The following ACTR5 variants were observed in gnomAD, a reference collection of about 807,000 sequenced individuals.
The protein encoded by ACTR5 is actin related protein 5.
A neutral mutation model predicts 61.2 loss-of-function variants in ACTR5; 43 were observed. That is an observed-to-expected ratio of 0.70 (90% CI 0.55 to 0.91). The LOEUF (loss-of-function observed/expected upper bound fraction) is 0.91. ACTR5 is among the 40% of genes least tolerant of loss of function. The pLI, the probability that ACTR5 is intolerant of heterozygous loss-of-function variation, is 0.00. For missense variants in ACTR5, 798 were observed against 782.2 expected, an observed-to-expected ratio of 1.02 and a Z score of -0.24; for synonymous variants, 333 against 310.5, an observed-to-expected ratio of 1.07 and a Z score of -0.76.
At chr20:38,762,848 T>C (rs1367904976) in intron 5 of ACTR5, among the ~76,000 whole-genome samples, 1 of 152,226 alleles carries the variant, frequency 6.6e-6, no homozygotes, top group Non-Finnish European at 1.5e-5. Flanking sequence ...TGCTTTCACC[T>C]GTTACTTGGG....
chr20:38,754,546 A>G (rs746136623), intron 3 of ACTR5, among the ~76,000 whole-genome samples: 2 of 151,778 alleles, frequency 1.3e-5, no homozygotes, highest in Admixed American at 1.3e-4. Context: ...GGGAAACCCC[A>G]TCTCTACTAA....
Position 38,766,249 on chromosome 20 carries a change from C to T in ACTR5, c.1305C>T (p.Asn435=). ...TTGGGTTTTTAAAGCCCGTGTTTAACTTGGCAGCATATCATCAGCTATTTG... is the reference window on the plus strand; with the variant it reads ...TTGGGTTTTTAAAGCCCGTGTTTAATTTGGCAGCATATCATCAGCTATTTG... The part of the protein sequence containing the change: ...KPVTTVQPVF[N]LAAYHQLFVG... Residue 435 remains asparagine, a synonymous_variant, in exon 7 of 9, where the codon AAC becomes AAT. Transcript: ENST00000243903. 1.2e-6 allele frequency: 2 copies of T among 1,609,150 alleles called. No individual in the cohort carries two copies. Among genetic ancestry groups the T allele is most frequent in the Non-Finnish European group, 1.7e-6 (2 of 1,178,856 alleles).
intron 7 of ACTR5, 112 bp downstream of exon 7, chr20:38,766,489 TTTTCA>T: frequency 7.5e-7 from 1 of 1,326,498 alleles, no homozygotes; most frequent in Non-Finnish European, 1.0e-6. Context: ...CACTCTCTTC[TTTTCA>T]TTGACTTGCT....
At chr20:38,758,188 A>G (rs2084431430) in intron 5 of ACTR5, among the ~76,000 whole-genome samples, 2 of 152,102 alleles carry the variant, frequency 1.3e-5, no homozygotes, top group African/African-American at 4.8e-5. Flanking sequence ...ATTTGTCTGC[A>G]TTTGTTACAT....
At chr20:38,770,166 C>A (rs1463219867) in intron 8 of ACTR5, among the ~76,000 whole-genome samples, 1 of 151,740 alleles carries the variant, frequency 6.6e-6, no homozygotes, top group Non-Finnish European at 1.5e-5. Flanking sequence ...GAGTGTGTCA[C>A]ACTGTCACTA....
chr20:38,750,886 C>T (rs2145663178), intron 2 of ACTR5, among the ~76,000 whole-genome samples: 1 of 152,288 alleles, frequency 6.6e-6, no homozygotes, highest in South Asian at 2.1e-4. Flanking sequence ...CCTCCTTGGC[C>T]TCCCAACATG....
chr20:38,753,624 T>C (rs1448283717), intron 3 of ACTR5, among the ~76,000 whole-genome samples: 1 of 152,198 alleles, frequency 6.6e-6, no homozygotes, highest in Non-Finnish European at 1.5e-5. Context: ...TTGCATGGTA[T>C]GTCTTTCCGT....
chr20:38,758,688 G>T (rs942067732), intron 5 of ACTR5, among the ~76,000 whole-genome samples: 11 of 152,170 alleles, frequency 7.2e-5, no homozygotes, highest in African/African-American at 2.6e-4. Flanking sequence ...AAGCTTTAAT[G>T]GTTAGTCAGC....
chr20:38,752,830 C>A (rs2084395028), intron 3 of ACTR5, among the ~76,000 whole-genome samples: 1 of 152,176 alleles, frequency 6.6e-6, no homozygotes, highest in South Asian at 2.1e-4. Flanking sequence ...GTGAATACAA[C>A]TCTATTCCAA....
chr20:38,762,672 C>T (rs377285104), intron 5 of ACTR5, among the ~76,000 whole-genome samples: 10 of 152,190 alleles, frequency 6.6e-5, no homozygotes, highest in South Asian at 4.1e-4. Flanking sequence ...GGAGGGATGA[C>T]GGCAAAAGTG....
At chr20:38,770,693 C>T (rs2084514654) in intron 8 of ACTR5, among the ~76,000 whole-genome samples, 2 of 152,146 alleles carry the variant, frequency 1.3e-5, no homozygotes, top group Non-Finnish European at 2.9e-5. Context: ...GCACTTAAAT[C>T]CCCTGAAGCC....
At position 38,771,785 on chromosome 20, in the gene ACTR5, CTGG is replaced by C. The variant is rs1213814933; in HGVS notation, c.1797_1799del (p.Gly602del). ...CAGGCATCCAGCAAGGGCTCCGCTGCTGGTGGAGGTGGTGCTGGTGAGCAGGCA... is the reference window on the plus strand; with the variant it reads ...CAGGCATCCAGCAAGGGCTCCGCTGCTGGAGGTGGTGCTGGTGAGCAGGCA... On this transcript the variant is annotated inframe_deletion, in exon 9 of 9. Transcript: ENST00000243903. 6.2e-7 allele frequency: 1 copy of C among 1,613,250 alleles called. No individual in the cohort carries two copies. Among genetic ancestry groups the C allele is most frequent in the East Asian group, 2.2e-5 (1 of 44,880 alleles).
At chr20:38,765,095 C>A (rs1352478313) in intron 5 of ACTR5, among the ~76,000 whole-genome samples, 3 of 152,194 alleles carry the variant, frequency 2.0e-5, no homozygotes, top group African/African-American at 4.8e-5. Flanking sequence ...GTGACTCATG[C>A]AAGCAGCAAG....
rs2084523878 is a variant in ACTR5, at chr20:38,772,222, G to A, written c.*406G>A. 5.6e-6 allele frequency: 1 copy of A among 177,432 alleles called. No homozygotes were observed. The highest frequency in any genetic ancestry group is 5.5e-5 in the Admixed American group (1 of 18,118). 11.0% of individuals were successfully genotyped at this position (177,432 alleles called of 1,614,324 possible). ...TCCGTGTAGATACTTTATTCTTCTG[G>A]ATGTATTCAGAAATTGCATGAATGC... is the stretch of plus-strand genomic sequence containing the variant. On this transcript the variant is annotated 3_prime_UTR_variant, in exon 9 of 9. Coordinates refer to ENST00000243903, the MANE Select transcript of ACTR5 (RefSeq NM_024855.4).
intron 6 of ACTR5, among the ~76,000 whole-genome samples, chr20:38,766,008 C>T (rs569605035): frequency 6.6e-6 from 1 of 152,280 alleles, no homozygotes; most frequent in African/African-American, 2.4e-5. Flanking sequence ...CAAAGCCTCT[C>T]CCTGCAACTC....
Position 38,766,396 on chromosome 20 carries a change from T to C in ACTR5, c.1433+19T>C, listed in dbSNP as rs750294566. 1.3e-6 allele frequency: 2 copies of C among 1,562,722 alleles called. No homozygotes were observed. The highest frequency in any genetic ancestry group is 2.1e-5 in the Admixed American group (1 of 48,250). ...TGGACAGGTGAGACAGCGAATCTGC[T>C]TTTCCTTCTATCTTCCTGAACCATT... On this transcript the variant is annotated intron_variant, in intron 7 of 8. Transcript: ENST00000243903.
Position 38,771,760 on chromosome 20 carries a change from C to T in ACTR5, c.1768C>T (p.Gln590Ter), listed in dbSNP as rs2084521635. 4 of 1,614,034 alleles carry T rather than the reference C, an allele frequency of 2.5e-6. No homozygotes were observed. The highest frequency in any genetic ancestry group is 3.3e-5 in the Admixed American group (2 of 60,018). ...PKQASRSSDA[Q>*]ASSKGSAAGG... ...GCAGGCCTCCCGCTCCTCAGATGCCCAGGCATCCAGCAAGGGCTCCGCTGC... is the reference window on the plus strand; with the variant it reads ...GCAGGCCTCCCGCTCCTCAGATGCCTAGGCATCCAGCAAGGGCTCCGCTGC... The change falls in exon 9 of 9, where the codon CAG becomes TAG. Residue 590 changes from glutamine to a stop codon, truncating the protein, a stop_gained. Transcript: ENST00000243903. LOFTEE classifies it high-confidence loss of function.
At chr20:38,752,806 C>T (rs920027461) in intron 3 of ACTR5, among the ~76,000 whole-genome samples, 4 of 152,132 alleles carry the variant, frequency 2.6e-5, no homozygotes, top group East Asian at 1.9e-4. Flanking sequence ...CAAAGGACTA[C>T]GGACAATGCC....
At chr20:38,764,157 C>T (rs1393646615) in intron 5 of ACTR5, among the ~76,000 whole-genome samples, 2 of 152,090 alleles carry the variant, frequency 1.3e-5, no homozygotes, top group Non-Finnish European at 2.9e-5. Flanking sequence ...TATTTAAGTC[C>T]TCTGAATTAT....
Sources: gnomAD v4.1 joint callset for allele counts (sites outside exome capture counted in the v4.1 genomes callset) on GRCh38, gnomAD v4.1.1 for gene constraint, MANE v1.5 for transcripts, NCBI Gene and HGNC (gene_info 2026-07-23, HGNC 2026-07-21) for gene names.